NONO: variants seen among roughly 807,000 people sequenced by gnomAD.
The protein encoded by NONO is non-POU domain-containing octamer-binding protein.
NONO carries 6 observed loss-of-function variants against 40.2 expected under a neutral mutation model. The ratio of observed to expected loss-of-function variants is 0.15; its 90% CI spans 0.08 to 0.29. The LOEUF (loss-of-function observed/expected upper bound fraction) is 0.29. Among genes scored for constraint, NONO ranks in the 10% least tolerant of loss-of-function variants. The pLI is 1.00. For missense variants in NONO, 133 were observed against 397.8 expected (o/e 0.33, Z 5.66); for synonymous variants, 89 against 123.3 (o/e 0.72, Z 1.85).
chrX:71,298,037 G>T (rs1319626065), intron 9 of NONO, 99 bp downstream of exon 9: 1 of 544,665 alleles, frequency 1.8e-6, no homozygotes, highest in Non-Finnish European at 3.0e-6. Context: ...TTCCCGTGTT[G>T]TGAAATAACC....
intron 4 of NONO, 55 bp from the exon 5 acceptor site, chrX:71,294,172 C>A: frequency 8.9e-7 from 1 of 1,122,626 alleles, no homozygotes; most frequent in Non-Finnish European, 1.2e-6. Flanking sequence ...CTGTTGATGG[C>A]TGCTAAGGTG....
In NONO at chrX:71,298,644, C is replaced by T. The variant is rs1392836393; in HGVS notation, c.1172-63C>T. ...CCCAGAGGTCTTGTTGAATTGTTTCCTTTGGCATAGAAAGAGACTAACAAT... is the reference window on the plus strand; with the variant it reads ...CCCAGAGGTCTTGTTGAATTGTTTCTTTTGGCATAGAAAGAGACTAACAAT... On this transcript the variant is annotated intron_variant, in intron 10 of 11. Transcript: ENST00000276079. 7 of 1,112,443 alleles carry T rather than the reference C, an allele frequency of 6.3e-6. No individual in the cohort carries two copies. In the East Asian group the frequency reaches 1.5e-4, roughly 24 times the overall value. 91.7% of individuals were successfully genotyped at this position (1,112,443 alleles called of 1,213,427 possible). A position where few individuals can be genotyped will look rare whatever the true frequency, so the allele number is the denominator to read the frequency against.
intron 11 of NONO, among the ~76,000 whole-genome samples, chrX:71,299,502 A>G (rs2031528377): frequency 8.9e-6 from 1 of 112,728 alleles, no homozygotes; most frequent in Non-Finnish European, 1.9e-5. Context: ...ATTATCACAT[A>G]AAATAGTTGT....
rs2031553445 is a variant in NONO, at chrX:71,300,391, T to G, written c.*315T>G. 3.4e-6 allele frequency: 1 copy of G among 292,964 alleles called. No homozygotes were observed. Among genetic ancestry groups the G allele is most frequent in the Non-Finnish European group, 6.0e-6 (1 of 167,021 alleles). 24.1% of individuals were successfully genotyped at this position (292,964 alleles called of 1,213,427 possible). ...CCATTAATCTTGATCATTCCGGTTT[T>G]TTTTTTTTTTGTCCATCTTGTTTCA... On this transcript the variant is annotated 3_prime_UTR_variant, in exon 12 of 12. Coordinates refer to ENST00000276079, the MANE Select transcript of NONO (RefSeq NM_007363.5).
chrX:71,300,882 C>A lies in NONO; in HGVS notation c.*806C>A, dbSNP rs958204373. 1 of 160,601 alleles carries A rather than the reference C, an allele frequency of 6.2e-6. No homozygotes were observed. Among genetic ancestry groups the A allele is most frequent in the Non-Finnish European group, 1.2e-5 (1 of 82,979 alleles). 13.2% of individuals were successfully genotyped at this position (160,601 alleles called of 1,213,427 possible). ...AAAAAAAAATCTTGTGTTAACTTGC[C>A]TCCATCTTTTTCTTGGGTGAGGACA... On this transcript the variant is annotated 3_prime_UTR_variant, in exon 12 of 12. Coordinates refer to ENST00000276079, the MANE Select transcript of NONO (RefSeq NM_007363.5).
At chrX:71,285,178 G>A (rs762562292) in intron 2 of NONO, 3 of 112,164 alleles carry the variant, frequency 2.7e-5, no homozygotes, top group South Asian at 3.7e-4. Flanking sequence ...GGGCCTCTCC[G>A]GGGCCAGGGG....
At chrX:71,287,662 T>G (rs1212858019) in intron 2 of NONO, among the ~76,000 whole-genome samples, 1 of 111,018 alleles carries the variant, frequency 9.0e-6, no homozygotes, top group Non-Finnish European at 1.9e-5. Flanking sequence ...ATTACAGGCA[T>G]GAACCACTGC....
chrX:71,296,806 G>T (rs1186079455), intron 6 of NONO, 45 bp from the exon 7 acceptor site: 2 of 1,144,266 alleles, frequency 1.7e-6, no homozygotes, highest in East Asian at 6.0e-5. Context: ...TTCTTAGCTG[G>T]GGTAATTCTG....
At chrX:71,297,761 C>A in intron 8 of NONO, 75 bp from the exon 9 acceptor site, 1 of 785,859 alleles carries the variant, frequency 1.3e-6, no homozygotes, top group South Asian at 2.4e-5. Context: ...GGCCAGTCTC[C>A]TTGGTTGAGT....
intron 2 of NONO, among the ~76,000 whole-genome samples, chrX:71,286,735 T>G (rs1307263171): frequency 8.9e-6 from 1 of 112,069 alleles, no homozygotes; most frequent in African/African-American, 3.2e-5. Flanking sequence ...TTTTGGAAAT[T>G]TAAGTCATTT....
chrX:71,299,890 G>A, intron 11 of NONO, 52 bp from the exon 12 acceptor site: 1 of 1,200,062 alleles, frequency 8.3e-7, no homozygotes, highest in South Asian at 1.8e-5. Flanking sequence ...AGATGGGTGG[G>A]AAGCTTCCAA....
intron 4 of NONO, among the ~76,000 whole-genome samples, chrX:71,293,306 C>T (rs1457077284): frequency 8.9e-6 from 1 of 111,769 alleles, no homozygotes; most frequent in Admixed American, 9.5e-5. Flanking sequence ...TTAGACTGAG[C>T]ATGGTGGCTC....
At chrX:71,299,547 GGTT>G (rs1363997339) in intron 11 of NONO, among the ~76,000 whole-genome samples, 1 of 112,290 alleles carries the variant, frequency 8.9e-6, no homozygotes, top group African/African-American at 3.2e-5. Context: ...GCAATCCTGG[GGTT>G]GTTTTGGTTA....
intron 4 of NONO, chrX:71,292,291 G>A (rs1159038960): frequency 3.3e-5 from 4 of 120,232 alleles, no homozygotes; most frequent in African/African-American, 1.3e-4. Context: ...TCCACCTCCC[G>A]GGTTCAAGTG....
At chrX:71,290,523 A>T in intron 2 of NONO, 106 bp from the exon 3 acceptor site, 1 of 612,330 alleles carries the variant, frequency 1.6e-6, no homozygotes, top group Admixed American at 3.6e-5. Context: ...TGCCTCTGAC[A>T]AAAGCCAGAG....
chrX:71,298,379 C>A, intron 9 of NONO, 90 bp from the exon 10 acceptor site: 1 of 780,403 alleles, frequency 1.3e-6, no homozygotes, highest in Admixed American at 2.2e-5. Context: ...TGTTATCACT[C>A]TATCTACTTC....
chrX:71,291,198 TTAAGTA>T (rs2031318399), intron 3 of NONO, among the ~76,000 whole-genome samples: 1 of 112,312 alleles, frequency 8.9e-6, no homozygotes, highest in South Asian at 3.6e-4. Flanking sequence ...TAAAAAGTCT[TTAAGTA>T]TATGTTCCTG....
At chrX:71,299,079 G>GC (rs1361226876) in intron 11 of NONO, among the ~76,000 whole-genome samples, 10 of 111,619 alleles carry the variant, frequency 9.0e-5, no homozygotes, top group Non-Finnish European at 1.9e-4. Flanking sequence ...TTGCCACCAT[G>GC]CCCGGCTAAT....
At chrX:71,287,416 C>T (rs369968465) in intron 2 of NONO, among the ~76,000 whole-genome samples, 22 of 110,577 alleles carry the variant, frequency 2.0e-4, no homozygotes, top group East Asian at 1.7e-3. Flanking sequence ...CTCACTCTGC[C>T]GCCTAGGCTG....
Sources: allele counts gnomAD v4.1 joint callset (sites outside exome capture counted in the v4.1 genomes callset), GRCh38; gene constraint gnomAD v4.1.1; transcripts MANE v1.5; gene names NCBI Gene and HGNC (gene_info 2026-07-23, HGNC 2026-07-21).